The following PRDX3 variants were observed in gnomAD, a reference collection of about 807,000 sequenced individuals.
The protein encoded by PRDX3 is thioredoxin-dependent peroxide reductase, mitochondrial.
A neutral mutation model predicts 30.4 loss-of-function variants in PRDX3; 20 were observed. The observed-to-expected ratio is 0.66, with a 90% CI of 0.46 to 0.96. PRDX3 has a LOEUF of 0.96. PRDX3 is among the 40% of genes least tolerant of loss of function. The probability of loss-of-function intolerance (pLI) is 0.00; values close to 1 mark genes in which losing one functional copy is unlikely to be tolerated. For synonymous variants in PRDX3, 124 were observed against 117.8 expected (o/e 1.05, Z -0.34); for missense variants, 322 against 318.3 (o/e 1.01, Z -0.09).
intron 1 of PRDX3, among the ~76,000 whole-genome samples, chr10:119,177,954 C>T (rs1412478117): frequency 6.7e-6 from 1 of 149,276 alleles, no homozygotes; most frequent in Non-Finnish European, 1.5e-5. Context: ...GATCTCGGCT[C>T]GCTGCAGTCT....
Position 119,174,534 on chromosome 10 carries a change from G to C in PRDX3, c.228C>G (p.Ala76=). Reference sequence around the variant, plus strand: ...GGTCTTTGAACTCTCCATTGACAACGGCTGTACCCTTAAAATAGGGTGCAT... The same window carrying C: ...GGTCTTTGAACTCTCCATTGACAACCGCTGTACCCTTAAAATAGGGTGCAT... ...TQHAPYFKGT[A]VVNGEFKDLS... Residue 76 remains alanine (A), a synonymous_variant, in exon 3 of 7, where the codon GCC becomes GCG. Transcript: ENST00000298510. 2 of 1,611,900 alleles carry C rather than the reference G, an allele frequency of 1.2e-6. No individual in the cohort carries two copies. Among genetic ancestry groups the C allele is most frequent in the Non-Finnish European group, 1.7e-6 (2 of 1,179,442 alleles).
In PRDX3 at chr10:119,172,362, C is replaced by T; in HGVS notation, c.551+20G>A. 1 of 1,554,818 alleles carries T rather than the reference C, an allele frequency of 6.4e-7. No homozygotes were observed. The highest frequency in any genetic ancestry group is 8.9e-7 in the Non-Finnish European group (1 of 1,126,084). On this transcript the variant is annotated intron_variant, in intron 5 of 6. Coordinates refer to ENST00000298510, the MANE Select transcript of PRDX3 (RefSeq NM_006793.5). The stretch of plus-strand genomic sequence containing the variant: ...TAAACATGAAAAATAATCTTAAGTT[C>T]ATCAGAAACAGGATCTTACCTTAGT...
chr10:119,178,679 G>T, intron 1 of PRDX3, 76 bp downstream of exon 1: 2 of 1,508,930 alleles, frequency 1.3e-6, no homozygotes, highest in Non-Finnish European at 1.8e-6. Flanking sequence ...GCCCAGAAGC[G>T]CGGGGTCCTG....
chr10:119,168,889 C>T (rs758192231), intron 6 of PRDX3, among the ~76,000 whole-genome samples: 13 of 149,850 alleles, frequency 8.7e-5, no homozygotes, highest in Non-Finnish European at 1.6e-4. Flanking sequence ...AGGACAATGG[C>T]GTGAACCCAG....
intron 1 of PRDX3, among the ~76,000 whole-genome samples, chr10:119,178,415 TC>T: frequency 6.6e-6 from 1 of 152,324 alleles, no homozygotes; most frequent in Admixed American, 6.5e-5. Context: ...ATTCTTTCCA[TC>T]TTAAGTACAC....
In PRDX3 at chr10:119,177,002, G is replaced by A. The variant is rs372436470; in HGVS notation, c.169+19C>T. 13 of 1,613,720 alleles carry A rather than the reference G, an allele frequency of 8.1e-6. No homozygotes were observed. Among genetic ancestry groups the A allele is most frequent in the African/African-American group, 1.3e-5 (1 of 74,932 alleles). On this transcript the variant is annotated intron_variant, in intron 2 of 6. Coordinates refer to ENST00000298510, the MANE Select transcript of PRDX3 (RefSeq NM_006793.5). ...TTTTCCTTTACCTGGCTCCAGCCAA[G>A]ACATGACATAACACTTACTGGTGCT...
chr10:119,172,034 A>G (rs778296691), intron 5 of PRDX3, among the ~76,000 whole-genome samples: 24 of 152,372 alleles, frequency 1.6e-4, no homozygotes, highest in Non-Finnish European at 2.1e-4. Flanking sequence ...TGGAGGGGAC[A>G]TGCATGTCTC....
intron 4 of PRDX3, among the ~76,000 whole-genome samples, chr10:119,173,191 G>A (rs1182536620): frequency 6.6e-6 from 1 of 152,162 alleles, no homozygotes; most frequent in Non-Finnish European, 1.5e-5. Context: ...ACCTGTCTCG[G>A]CCTCTCAAAG....
intron 2 of PRDX3, among the ~76,000 whole-genome samples, chr10:119,175,254 T>C (rs1332375801): frequency 2.0e-5 from 3 of 152,116 alleles, no homozygotes; most frequent in East Asian, 3.9e-4. Flanking sequence ...AGACAGGACA[T>C]GTGTGTGGAG....
intron 2 of PRDX3, among the ~76,000 whole-genome samples, chr10:119,176,124 G>A (rs1848020216): frequency 6.6e-6 from 1 of 151,934 alleles, no homozygotes; most frequent in African/African-American, 2.4e-5. Context: ...GGAGGTATGG[G>A]GCAGAAAGAA....
rs571664980 is a variant in PRDX3, at chr10:119,178,554, C to A, written c.36+201G>T. Among the ~76,000 whole-genome samples the A allele has an allele frequency of 7.9e-5, 12 of 152,246 alleles. No individual in the cohort carries two copies. The East Asian group carries it at 1.4e-3, about 17-fold the overall frequency. On this transcript the variant is annotated intron_variant, in intron 1 of 6. Coordinates refer to ENST00000298510, the MANE Select transcript of PRDX3 (RefSeq NM_006793.5). The stretch of plus-strand genomic sequence containing the variant: ...AAGAGGAGGGACTCGGGGAAGAGAC[C>A]GCGAGGATGGAGTGGGGAAGGGCGG...
At position 119,169,323 on chromosome 10, in the gene PRDX3, G is replaced by T. The variant is rs375550177; in HGVS notation, c.571C>A (p.Pro191Thr). The change falls in exon 6 of 7, where the codon CCC (proline) becomes ACC (threonine). Residue 191 changes from proline to threonine, a missense_variant. Pro to Thr is a conservative substitution (Grantham distance 38). Coordinates refer to ENST00000298510, the MANE Select transcript of PRDX3 (RefSeq NM_006793.5). ...CTCAAATGCTTGATGACTCCATTGG[G>T]GTCAATTATGAAGAGACCTCTGCAT... ...LALRGLFIID[P>T]NGVIKHLSVN... 6.2e-7 allele frequency: 1 copy of T among 1,613,706 alleles called. No homozygotes were observed.
At chr10:119,172,845 A>G (rs1404521813) in intron 4 of PRDX3, among the ~76,000 whole-genome samples, 5 of 152,210 alleles carry the variant, frequency 3.3e-5, no homozygotes, top group Non-Finnish European at 4.4e-5. Flanking sequence ...AGCTCACAGC[A>G]GCCTCAAACT....
intron 1 of PRDX3, among the ~76,000 whole-genome samples, chr10:119,178,347 G>A (rs1413174683): frequency 1.3e-5 from 2 of 152,208 alleles, no homozygotes; most frequent in East Asian, 3.9e-4. Flanking sequence ...TTAGCACTTT[G>A]CGCGTTTTTA....
At chr10:119,169,597 T>C in intron 5 of PRDX3, 1 of 347,412 alleles carries the variant, frequency 2.9e-6, no homozygotes, top group East Asian at 5.4e-5. Flanking sequence ...GTTCACATAG[T>C]GCCCTGAATG....
chr10:119,177,279 T>G, intron 1 of PRDX3, 126 bp from the exon 2 acceptor site: 2 of 884,968 alleles, frequency 2.3e-6, no homozygotes, highest in Non-Finnish European at 3.5e-6. Context: ...CCCCAAACTC[T>G]AAGAGCATGG....
At chr10:119,174,407 T>C in intron 3 of PRDX3, 44 bp downstream of exon 3, 2 of 1,561,618 alleles carry the variant, frequency 1.3e-6, no homozygotes, top group Non-Finnish European at 1.7e-6. Context: ...GGATATGTGC[T>C]TGCTCTCAGA....
At chr10:119,175,157 G>C (rs1197598980) in intron 2 of PRDX3, among the ~76,000 whole-genome samples, 2 of 152,222 alleles carry the variant, frequency 1.3e-5, no homozygotes, top group African/African-American at 4.8e-5. Flanking sequence ...GAAGACATGA[G>C]ACTAGAGATG....
At position 119,172,493 on chromosome 10, in the gene PRDX3, A is replaced by G. The variant is rs372569517; in HGVS notation, c.448-8T>C. 176 of 1,604,532 alleles carry G rather than the reference A, an allele frequency of 1.1e-4. No individual in the cohort carries two copies. Among genetic ancestry groups the G allele is most frequent in the Non-Finnish European group, 1.4e-4 (167 of 1,171,368 alleles). On this transcript the variant is annotated splice_polypyrimidine_tract_variant and splice_region_variant and intron_variant, in intron 4 of 6. Coordinates refer to ENST00000298510, the MANE Select transcript of PRDX3 (RefSeq NM_006793.5). Reference sequence around the variant, plus strand: ...GTGGCCCAAACCACCATTCTAATCAAAATGCAAACATGACTGTTAGAATGT... The same window carrying G: ...GTGGCCCAAACCACCATTCTAATCAGAATGCAAACATGACTGTTAGAATGT...
Sources: allele counts gnomAD v4.1 joint callset (sites outside exome capture counted in the v4.1 genomes callset), GRCh38; gene constraint gnomAD v4.1.1; transcripts MANE v1.5; gene names NCBI Gene and HGNC (gene_info 2026-07-23, HGNC 2026-07-21).